CLEC12B: variants seen among roughly 807,000 people sequenced by gnomAD.
CLEC12B encodes the protein macrophage antigen h.
Under a neutral mutation model 36.1 loss-of-function variants are expected in CLEC12B, and 25 were observed. The observed-to-expected ratio is 0.69, with a 90% CI of 0.50 to 0.97. The LOEUF (loss-of-function observed/expected upper bound fraction) is 0.97. Among genes scored for constraint, CLEC12B ranks in the 50% least tolerant of loss-of-function variants. CLEC12B has a pLI of 0.00. For synonymous variants in CLEC12B, 110 were observed against 108.5 expected (o/e 1.01, Z -0.09); for missense variants, 325 against 318.4 (o/e 1.02, Z -0.16).
intron 4 of CLEC12B, 84 bp downstream of exon 4, chr12:10,015,490 G>T: frequency 6.4e-7 from 1 of 1,554,032 alleles, no homozygotes; most frequent in East Asian, 2.2e-5. Flanking sequence ...TCACATGATG[G>T]AAATTCAGTG....
At chr12:10,016,683 A>G (rs1353404484) in intron 5 of CLEC12B, 2 of 202,374 alleles carry the variant, frequency 9.9e-6, no homozygotes, top group Non-Finnish European at 1.8e-5. Context: ...GGTATATGTG[A>G]TAATTTGATA....
chr12:10,013,715 A>C (rs988221385), intron 2 of CLEC12B, among the ~76,000 whole-genome samples: 1 of 152,082 alleles, frequency 6.6e-6, no homozygotes, highest in Admixed American at 6.5e-5. Context: ...TTAATGGATA[A>C]TTTTTTAGGA....
At chr12:10,017,372 C>A in intron 5 of CLEC12B, 1 of 985,354 alleles carries the variant, frequency 1.0e-6, no homozygotes, top group South Asian at 4.7e-5. Context: ...AGGAGTAGTA[C>A]TATGACATCA....
chr12:10,010,676 C>T lies in CLEC12B; in HGVS notation c.-84C>T. On this transcript the variant is annotated 5_prime_UTR_variant, in exon 1 of 6. Coordinates refer to ENST00000338896, the MANE Select transcript of CLEC12B (RefSeq NM_001129998.3). ...AGCTGAGTGACTACATCAAAGCTCC[C>T]AGCCTTGAAAAACACATGCTGTTCC... The T allele has an allele frequency of 1.2e-6, 1 of 843,674 alleles. No individual in the cohort carries two copies. Among genetic ancestry groups the T allele is most frequent in the Non-Finnish European group, 1.9e-6 (1 of 523,436 alleles). The allele number at this position is 843,674 out of a possible 1,614,324, so 52.3% of individuals were successfully genotyped here. A position where few individuals can be genotyped will look rare whatever the true frequency, so the allele number is the denominator to read the frequency against.
chr12:10,010,200 T>TCTCTCACACA (rs370060573), upstream of CLEC12B, among the ~76,000 whole-genome samples: 8 of 145,912 alleles, frequency 5.5e-5, no homozygotes, highest in Admixed American at 2.7e-4. Flanking sequence ...TGTCTCTCTC[T>TCTCTCACACA]CACACACACA....
At chr12:10,013,088 T>C in intron 2 of CLEC12B, 1 of 569,826 alleles carries the variant, frequency 1.8e-6, no homozygotes, top group Non-Finnish European at 3.1e-6. Flanking sequence ...CATTGTTTTA[T>C]CTTGATAAGC....
chr12:10,015,104 AC>A, intron 3 of CLEC12B, 147 bp from the exon 4 acceptor site: 1 of 695,926 alleles, frequency 1.4e-6, no homozygotes, highest in Non-Finnish European at 2.4e-6. Context: ...ACCAGGGGTC[AC>A]TTTTTTTTCA....
upstream of CLEC12B, among the ~76,000 whole-genome samples, chr12:10,006,571 G>A (rs1371116417): frequency 6.6e-6 from 1 of 151,918 alleles, no homozygotes; most frequent in African/African-American, 2.4e-5. Flanking sequence ...TGTGAGTGAA[G>A]CAAAAGGAAA....
Position 10,010,857 on chromosome 12 carries a change from G to T in CLEC12B, c.91+7G>T. 6.3e-7 allele frequency: 1 copy of T among 1,583,736 alleles called. No individual in the cohort carries two copies. Among genetic ancestry groups the T allele is most frequent in the Non-Finnish European group, 8.7e-7 (1 of 1,154,030 alleles). On this transcript the variant is annotated splice_region_variant and intron_variant, in intron 1 of 5. Coordinates refer to ENST00000338896, the MANE Select transcript of CLEC12B (RefSeq NM_001129998.3). Reference sequence around the variant, plus strand: ...AATAACCTAAGAAAAAGAGGTAGGAGTTCAGAGAAGACCAGCTGTGTCCTT... The same window carrying T: ...AATAACCTAAGAAAAAGAGGTAGGATTTCAGAGAAGACCAGCTGTGTCCTT...
Position 10,015,375 on chromosome 12 carries a change from C to T in CLEC12B, c.533C>T (p.Thr178Ile). ...AAGGACTGCATAGACAAGAACTCCA[C>T]CCTAGTGAAGATAGACAGTTTGGAA... ...SRKDCIDKNSTLVKIDSLEEK... is the reference protein window; with the variant it reads ...SRKDCIDKNSILVKIDSLEEK... Residue 178 changes from threonine (T) to isoleucine (I), a missense_variant, in exon 4 of 6, where the codon ACC (threonine) becomes ATC (isoleucine). Coordinates refer to ENST00000338896, the MANE Select transcript of CLEC12B (RefSeq NM_001129998.3). The T allele has an allele frequency of 6.2e-7, 1 of 1,613,140 alleles. No individual in the cohort carries two copies. Among genetic ancestry groups the T allele is most frequent in the South Asian group, 1.1e-5 (1 of 91,052 alleles).
At chr12:10,015,124 T>C in intron 3 of CLEC12B, 128 bp from the exon 4 acceptor site, 1 of 810,294 alleles carries the variant, frequency 1.2e-6, no homozygotes, top group Non-Finnish European at 2.0e-6. Flanking sequence ...CAGAGGCTTC[T>C]AAAGCAGTAT....
chr12:10,018,272 CTAAA>C, intron 5 of CLEC12B, 55 bp from the exon 6 acceptor site: 1 of 1,076,164 alleles, frequency 9.3e-7, no homozygotes, highest in Non-Finnish European at 1.3e-6. Context: ...ACTGAGGGCA[CTAAA>C]TAGTGATCAC....
chr12:10,009,178 C>T (rs1332607583), upstream of CLEC12B, among the ~76,000 whole-genome samples: 1 of 152,142 alleles, frequency 6.6e-6, no homozygotes, highest in Non-Finnish European at 1.5e-5. Flanking sequence ...CCCTTCCATG[C>T]TGTGGAAGGT....
chr12:10,014,777 C>A (rs1450195021), intron 3 of CLEC12B, 36 bp downstream of exon 3: 8 of 1,424,252 alleles, frequency 5.6e-6, no homozygotes, highest in East Asian at 4.6e-5. Context: ...AGTCAGATGG[C>A]ATATGTTATC....
intron 4 of CLEC12B, 69 bp downstream of exon 4, chr12:10,015,475 C>A: frequency 6.4e-7 from 1 of 1,561,452 alleles, no homozygotes. Flanking sequence ...AATAAAACAT[C>A]TGATTCACAT....
At chr12:10,014,078 A>G (rs1441355040) in intron 2 of CLEC12B, among the ~76,000 whole-genome samples, 1 of 152,168 alleles carries the variant, frequency 6.6e-6, no homozygotes, top group Non-Finnish European at 1.5e-5. Flanking sequence ...CTGATATGCC[A>G]TTAAGATCTG....
chr12:10,015,167 T>C, intron 3 of CLEC12B, 85 bp from the exon 4 acceptor site: 2 of 1,150,658 alleles, frequency 1.7e-6, no homozygotes, highest in South Asian at 3.0e-5. Flanking sequence ...GTCCCTATTG[T>C]TCAATTACAT....
At position 10,014,567 on chromosome 12, in the gene CLEC12B, A is replaced by C. The variant is rs759545498; in HGVS notation, c.235A>C (p.Ser79Arg). Residue 79 changes from serine to arginine, a missense_variant, in exon 3 of 6, where the codon AGT (serine) becomes CGT (arginine). Transcript: ENST00000338896. ...CATTAACTCAGATTCAGAGAAATTG[A>C]GTCAACTTCAGAAAACCATCCAACA... The part of the protein sequence containing the change: ...NDINSDSEKL[S>R]QLQKTIQQQQ... 16 of 1,613,812 alleles carry C rather than the reference A, an allele frequency of 9.9e-6. No individual in the cohort carries two copies. The South Asian group carries it at 1.8e-4, about 18-fold the overall frequency.
upstream of CLEC12B, among the ~76,000 whole-genome samples, chr12:10,006,875 GA>G (rs1865234176): frequency 6.6e-6 from 1 of 151,982 alleles, no homozygotes; most frequent in Admixed American, 6.6e-5. Flanking sequence ...CTAACACGGT[GA>G]AACCCCGTCT....
Sources: gnomAD v4.1 joint callset for allele counts (sites outside exome capture counted in the v4.1 genomes callset) on GRCh38, gnomAD v4.1.1 for gene constraint, MANE v1.5 for transcripts, NCBI Gene and HGNC (gene_info 2026-07-23, HGNC 2026-07-21) for gene names.